TTK: variants seen among roughly 807,000 people sequenced by gnomAD.
The protein encoded by TTK is TTK protein kinase.
In TTK, 59 loss-of-function variants were observed where a neutral mutation model predicts 117.3. That is an observed-to-expected ratio of 0.50 (90% CI 0.41 to 0.62). TTK has a LOEUF of 0.62. Ranked by LOEUF, TTK falls within the 20% of genes least tolerant of loss-of-function variation. The pLI is 0.00. For synonymous variants in TTK, 302 were observed against 325.0 expected (o/e 0.93, Z 0.76); for missense variants, 921 against 989.4 (o/e 0.93, Z 0.93).
chr6:80,022,471 A>C lies in TTK; in HGVS notation c.1256A>C (p.Glu419Ala). Residue 419 changes from glutamate (E) to alanine (A), a missense_variant and splice_region_variant, in exon 11 of 22, where the codon GAG becomes GCG. Transcript: ENST00000369798. ...IPELARKVNT[E>A]QKHTTFEQPV... Reference sequence around the variant, plus strand: ...GAGTTAGCCCGAAAAGTTAATACAGAGGTAACTTTTCCACTAAAGTACAAT... The same window carrying C: ...GAGTTAGCCCGAAAAGTTAATACAGCGGTAACTTTTCCACTAAAGTACAAT... 6.2e-7 allele frequency: 1 copy of C among 1,611,764 alleles called. No homozygotes were observed.
At chr6:80,027,180 T>C (rs564737655) in intron 12 of TTK, among the ~76,000 whole-genome samples, 5 of 152,360 alleles carry the variant, frequency 3.3e-5, no homozygotes, top group Admixed American at 2.0e-4. Context: ...CTTTTGCGTT[T>C]CATTTTCATA....
At chr6:80,012,243 T>C (rs1213079551) in intron 8 of TTK, among the ~76,000 whole-genome samples, 3 of 151,994 alleles carry the variant, frequency 2.0e-5, no homozygotes, top group African/African-American at 7.2e-5. Flanking sequence ...AAGACTGATA[T>C]TTGAGGATTT....
Position 80,040,721 on chromosome 6 carries a change from T to A in TTK, c.2490+18T>A. On this transcript the variant is annotated intron_variant, in intron 21 of 21. Transcript: ENST00000369798. ...CTGCTAAAGTAAGTATGTCTATTCTTTACATTAATTTTTACTGTTTTATAT... is the reference window on the plus strand; with the variant it reads ...CTGCTAAAGTAAGTATGTCTATTCTATACATTAATTTTTACTGTTTTATAT... 1 of 1,603,072 alleles carries A rather than the reference T, an allele frequency of 6.2e-7. No individual in the cohort carries two copies. Among genetic ancestry groups the A allele is most frequent in the Non-Finnish European group, 8.5e-7 (1 of 1,174,930 alleles).
At chr6:80,036,336 T>C in intron 16 of TTK, 139 bp from the exon 17 acceptor site, 2 of 986,952 alleles carry the variant, frequency 2.0e-6, no homozygotes. Flanking sequence ...ATGTAAATAT[T>C]TGCAGAATAT....
At chr6:80,035,524 C>A in intron 16 of TTK, 107 bp downstream of exon 16, 1 of 1,097,716 alleles carries the variant, frequency 9.1e-7, no homozygotes, top group Non-Finnish European at 1.2e-6. Flanking sequence ...GTGTCTTTAA[C>A]GAGATCAACT....
intron 13 of TTK, among the ~76,000 whole-genome samples, chr6:80,028,340 CA>C (rs1242345407): frequency 6.6e-6 from 1 of 150,484 alleles, no homozygotes; most frequent in Non-Finnish European, 1.5e-5. Flanking sequence ...TTTTTTGAGA[CA>C]GAGTCTCGCT....
intron 13 of TTK, among the ~76,000 whole-genome samples, chr6:80,028,660 C>A (rs758934111): frequency 2.6e-5 from 4 of 152,010 alleles, no homozygotes; most frequent in African/African-American, 9.7e-5. Flanking sequence ...TAGTGAGCAG[C>A]TTCATTTTGT....
At chr6:80,032,826 C>A (rs1432195951) in intron 14 of TTK, among the ~76,000 whole-genome samples, 1 of 152,154 alleles carries the variant, frequency 6.6e-6, no homozygotes, top group African/African-American at 2.4e-5. Context: ...TTACTCAGTC[C>A]TTGCCCTCCT....
intron 1 of TTK, among the ~76,000 whole-genome samples, chr6:80,005,399 AAG>A (rs1220556723): frequency 1.6e-4 from 25 of 152,230 alleles, no homozygotes; most frequent in Non-Finnish European, 3.4e-4. Context: ...TCTGCTTTGA[AAG>A]CACTTGCACT....
chr6:80,038,061 T>G lies in TTK; in HGVS notation c.2130+14T>G, dbSNP rs377285385. ...TCTAAGTCAAAGGTACTGAAAAGATTATTTACATCACAATTATCTGGCAAC... is the reference window on the plus strand; with the variant it reads ...TCTAAGTCAAAGGTACTGAAAAGATGATTTACATCACAATTATCTGGCAAC... On this transcript the variant is annotated intron_variant, in intron 18 of 21. Coordinates refer to ENST00000369798, the MANE Select transcript of TTK (RefSeq NM_003318.5). 47 of 1,555,872 alleles carry G rather than the reference T, an allele frequency of 3.0e-5. No individual in the cohort carries two copies. The African/African-American group carries it at 6.1e-4, about 20-fold the overall frequency.
chr6:80,042,406 T>C lies in TTK; in HGVS notation c.*204T>C, dbSNP rs1768074996. 6.0e-6 allele frequency: 2 copies of C among 334,710 alleles called. No individual in the cohort carries two copies. The highest frequency in any genetic ancestry group is 2.5e-4 in the South Asian group (2 of 7,950). 20.7% of individuals were successfully genotyped at this position (334,710 alleles called of 1,614,324 possible). A position where few individuals can be genotyped will look rare whatever the true frequency, so the allele number is the denominator to read the frequency against. ...GTATATATTGTAGACTTGTTTTCTCTGTTTTATGCTCTTGTGTAATCTACT... is the reference window on the plus strand; with the variant it reads ...GTATATATTGTAGACTTGTTTTCTCCGTTTTATGCTCTTGTGTAATCTACT... On this transcript the variant is annotated 3_prime_UTR_variant, in exon 22 of 22. Transcript: ENST00000369798.
intron 2 of TTK, among the ~76,000 whole-genome samples, chr6:80,006,387 C>T (rs1053681772): frequency 2.6e-5 from 4 of 152,050 alleles, no homozygotes; most frequent in African/African-American, 9.7e-5. Flanking sequence ...AATGGAAGAA[C>T]CTGTGATCTA....
At chr6:80,026,055 A>G (rs1156547738) in intron 11 of TTK, among the ~76,000 whole-genome samples, 1 of 152,160 alleles carries the variant, frequency 6.6e-6, no homozygotes, top group Non-Finnish European at 1.5e-5. Flanking sequence ...ACAGGATACT[A>G]TTTTAGATGA....
Position 80,008,390 on chromosome 6 carries a change from C to A in TTK, c.367C>A (p.Gln123Lys). Residue 123 changes from glutamine to lysine, a missense_variant, in exon 4 of 22, where the codon CAA becomes AAA. Physicochemically the swap from Gln to Lys is moderately conservative, Grantham distance 53. Transcript: ENST00000369798. ...QVRFAELKAI[Q>K]EPDDARDYFQ... ...GACTCAAATCTTTTATTACAGTATT[C>A]AAGAGCCAGATGATGCACGTGACTA... is the stretch of plus-strand genomic sequence containing the variant. 2 of 1,609,568 alleles carry A rather than the reference C, an allele frequency of 1.2e-6. No individual in the cohort carries two copies. The highest frequency in any genetic ancestry group is 1.1e-5 in the South Asian group (1 of 89,856).
At chr6:80,028,304 TA>T (rs1767661340) in intron 13 of TTK, among the ~76,000 whole-genome samples, 2 of 149,170 alleles carry the variant, frequency 1.3e-5, no homozygotes, top group African/African-American at 2.5e-5. Flanking sequence ...TATTTTTATT[TA>T]TTTATTTATT....
chr6:80,040,654 G>A lies in TTK; in HGVS notation c.2441G>A (p.Gly814Asp). The A allele has an allele frequency of 6.2e-7, 1 of 1,611,836 alleles. No homozygotes were observed. Among genetic ancestry groups the A allele is most frequent in the Non-Finnish European group, 8.5e-7 (1 of 1,178,550 alleles). Residue 814 changes from glycine (G) to aspartate (D), a missense_variant, in exon 21 of 22, where the codon GGC becomes GAC. Transcript: ENST00000369798. ...ACTGAAGAAATGAAATATGTTCTGG[G>A]CCAACTTGTTGGTCTGAATTCTCCT... ...GTTEEMKYVL[G>D]QLVGLNSPNS...
chr6:80,030,046 A>G (rs1338388007), intron 13 of TTK, among the ~76,000 whole-genome samples: 1 of 152,216 alleles, frequency 6.6e-6, no homozygotes, highest in Non-Finnish European at 1.5e-5. Flanking sequence ...CAGGAAATAT[A>G]TATAGACAAT....
intron 11 of TTK, 109 bp downstream of exon 11, chr6:80,022,581 A>G: frequency 8.3e-7 from 1 of 1,206,762 alleles, no homozygotes; most frequent in Non-Finnish European, 1.1e-6. Flanking sequence ...GATATTTAGT[A>G]GAATAGTTTA....
intron 19 of TTK, 75 bp from the exon 20 acceptor site, chr6:80,040,121 C>T: frequency 8.5e-7 from 1 of 1,177,018 alleles, no homozygotes; most frequent in South Asian, 2.0e-5. Flanking sequence ...ATAATGTAAT[C>T]TGGAAAAATA....
Sources: allele counts gnomAD v4.1 joint callset (sites outside exome capture counted in the v4.1 genomes callset), GRCh38; gene constraint gnomAD v4.1.1; transcripts MANE v1.5; gene names NCBI Gene and HGNC (gene_info 2026-07-23, HGNC 2026-07-21).